CCDC88A: variants seen among roughly 807,000 people sequenced by gnomAD.
CCDC88A encodes the protein girdin.
In CCDC88A, 54 loss-of-function variants were observed where a neutral mutation model predicts 234.3. The observed-to-expected ratio is 0.23, with a 90% confidence interval of 0.19 to 0.29. CCDC88A has a LOEUF of 0.29. Ranked by LOEUF, CCDC88A falls within the 10% of genes least tolerant of loss-of-function variation. The pLI is 1.00. For missense variants in CCDC88A, 1,832 were observed against 2,123.4 expected (o/e 0.86, Z 2.70); for synonymous variants, 753 against 737.8 (o/e 1.02, Z -0.33).
intron 23 of CCDC88A, among the ~76,000 whole-genome samples, chr2:55,310,628 G>A (rs185490684): frequency 5.5e-4 from 83 of 152,156 alleles, no homozygotes; most frequent in African/African-American, 1.9e-3. Context: ...AGCTAATGGG[G>A]TAGTCTATTT....
chr2:55,347,626 T>TTTTTTTTTTTTTA (rs70954103), intron 9 of CCDC88A, among the ~76,000 whole-genome samples: 1 of 141,090 alleles, frequency 7.1e-6, no homozygotes, highest in African/African-American at 2.9e-5. Flanking sequence ...TTTTTTTTTT[T>TTTTTTTTTTTTTA]GAGACAGAGT....
chr2:55,375,280 G>A (rs112122209), intron 3 of CCDC88A, among the ~76,000 whole-genome samples: 2,347 of 151,576 alleles, frequency 0.015, 67 homozygotes, highest in African/African-American at 0.053. Flanking sequence ...AAGTCAAAAT[G>A]GTCTAATTAT....
intron 22 of CCDC88A, chr2:55,315,424 T>C (rs1682865552): frequency 6.6e-6 from 1 of 152,276 alleles, no homozygotes; most frequent in Admixed American, 6.5e-5. Flanking sequence ...TATGCCCTTG[T>C]TGGGTTCTAG....
At chr2:55,358,380 A>G (rs961911741) in intron 7 of CCDC88A, among the ~76,000 whole-genome samples, 3 of 152,074 alleles carry the variant, frequency 2.0e-5, no homozygotes, top group Non-Finnish European at 4.4e-5. Flanking sequence ...AGTTTTCTCT[A>G]TTTTTGCTCC....
At chr2:55,299,975 G>A in intron 28 of CCDC88A, 56 bp from the exon 29 acceptor site, 3 of 1,119,102 alleles carry the variant, frequency 2.7e-6, no homozygotes, top group Non-Finnish European at 4.1e-6. Flanking sequence ...TGATGCTGAT[G>A]AGCTTTTACA....
intron 2 of CCDC88A, among the ~76,000 whole-genome samples, chr2:55,414,973 A>G (rs575708690): frequency 1.3e-5 from 2 of 151,428 alleles, no homozygotes; most frequent in South Asian, 2.1e-4. Flanking sequence ...AGCCTGAGGC[A>G]GGAGAATGGC....
At chr2:55,402,494 T>C (rs1045994236) in intron 2 of CCDC88A, among the ~76,000 whole-genome samples, 7 of 152,198 alleles carry the variant, frequency 4.6e-5, no homozygotes, top group African/African-American at 1.4e-4. Flanking sequence ...GTAAGGGTTA[T>C]TTCTTAAAGG....
At chr2:55,313,093 CAG>C (rs1459136569) in intron 22 of CCDC88A, 1 of 152,322 alleles carries the variant, frequency 6.6e-6, no homozygotes, top group East Asian at 1.9e-4. Flanking sequence ...TTTTTTGAGA[CAG>C]AGTTTCACTC....
At position 55,344,448 on chromosome 2, in the gene CCDC88A, T is replaced by C; in HGVS notation, c.1108A>G (p.Thr370Ala). ...KTMLEDQLEG[T>A]RARSDKLHEL... ...TGTAATTTATCAGAACGAGCACGAG[T>C]TCCCTCTAGTTGGTCTTCCAACATG... Residue 370 changes from threonine (T) to alanine (A), a missense_variant, in exon 11 of 33, where the codon ACT becomes GCT. Thr to Ala is a moderately conservative substitution (Grantham distance 58). Around this residue, in one of 6 missense-constraint regions of CCDC88A, gnomAD observed 1,282 missense variants for 1,543.6 expected, o/e 0.83. Transcript: ENST00000436346. 1 of 1,588,692 alleles carries C rather than the reference T, an allele frequency of 6.3e-7. No individual in the cohort carries two copies. The highest frequency in any genetic ancestry group is 8.6e-7 in the Non-Finnish European group (1 of 1,163,020).
In CCDC88A at chr2:55,317,183, TATATATA is replaced by T. The variant is rs772204582; in HGVS notation, c.3746+16_3746+22del. On this transcript the variant is annotated intron_variant, in intron 21 of 32. Transcript: ENST00000436346. This position sits in a 1 kb window ranked among gnomAD's most constrained non-coding sequence, Gnocchi z 4.2. ...TATACTTTCTATATAAAATGTTTGT[TATATATA>T]ATATATATTTATTACCTATCATTTT... is the stretch of plus-strand genomic sequence containing the variant. The T allele has an allele frequency of 2.7e-5, 28 of 1,054,912 alleles. No individual in the cohort carries two copies. In the Middle Eastern group the frequency reaches 2.0e-3, roughly 76 times the overall value. The allele number at this position is 1,054,912 out of a possible 1,614,324, so 65.3% of individuals were successfully genotyped here. A position where few individuals can be genotyped will look rare whatever the true frequency, so the allele number is the denominator to read the frequency against.
rs1031558748 is a variant in CCDC88A at position 55,295,622 on chromosome 2, A to T, written c.5526T>A (p.Ala1842=). The change falls in exon 31 of 33, where the codon GCT becomes GCA. Residue 1842 remains alanine, a synonymous_variant. Transcript: ENST00000436346. ...PISVDSPPAA[A]DSNTTAASNV... is the part of the protein sequence containing the mutation. ...TAGATGCTGCAGTGGTGTTGCTGTC[A>T]GCAGCAGCTGGTGGTGAATCAACTG... 1 of 1,614,088 alleles carries T rather than the reference A, an allele frequency of 6.2e-7. No homozygotes were observed. The highest frequency in any genetic ancestry group is 1.3e-5 in the African/African-American group (1 of 74,934).
chr2:55,291,696 T>C lies in CCDC88A; in HGVS notation c.*15A>G, dbSNP rs777523988. 1 of 1,552,660 alleles carries C rather than the reference T, an allele frequency of 6.4e-7. No homozygotes were observed. Among genetic ancestry groups the C allele is most frequent in the East Asian group, 2.3e-5 (1 of 44,176 alleles). On this transcript the variant is annotated 3_prime_UTR_variant, in exon 32 of 33. Coordinates refer to ENST00000436346, the MANE Select transcript of CCDC88A (RefSeq NM_001365480.1). ...CTCACCACTTGGCCCACATGTCATG[T>C]AGTGGGTAATAGAATTAGGAGCTTT...
chr2:55,343,045 C>G (rs1422171343), intron 12 of CCDC88A, among the ~76,000 whole-genome samples: 1 of 152,070 alleles, frequency 6.6e-6, no homozygotes, highest in East Asian at 1.9e-4. Context: ...TCATGCCCAG[C>G]TTTAAGAAAG....
chr2:55,412,995 G>A (rs967831840), intron 2 of CCDC88A, among the ~76,000 whole-genome samples: 2 of 152,056 alleles, frequency 1.3e-5, no homozygotes, highest in African/African-American at 4.8e-5. Flanking sequence ...CTTGAACCCA[G>A]GAATTCAAGA....
chr2:55,365,490 G>A (rs1485108504), intron 5 of CCDC88A, among the ~76,000 whole-genome samples: 8 of 152,044 alleles, frequency 5.3e-5, no homozygotes. Flanking sequence ...TTCAACTGCC[G>A]TATCTTTCTC....
intron 8 of CCDC88A, among the ~76,000 whole-genome samples, chr2:55,354,926 A>G (rs1349687377): frequency 6.6e-6 from 1 of 150,392 alleles, no homozygotes; most frequent in Non-Finnish European, 1.5e-5. Context: ...TTTTTTGTTA[A>G]AAACCAAGAC....
At chr2:55,353,628 T>G (rs1307504282) in intron 8 of CCDC88A, among the ~76,000 whole-genome samples, 1 of 107,776 alleles carries the variant, frequency 9.3e-6, no homozygotes, top group Non-Finnish European at 1.8e-5. Flanking sequence ...ATTCTGAAGC[T>G]CAAATTCCAA....
Position 55,334,385 on chromosome 2 carries a change from C to A in CCDC88A, c.2436G>T (p.Gln812His). Residue 812 changes from glutamine to histidine, a missense_variant, in exon 15 of 33, where the codon CAG becomes CAT. Coordinates refer to ENST00000436346, the MANE Select transcript of CCDC88A (RefSeq NM_001365480.1). The surrounding 1 kb of genome is among the most constrained non-coding windows in gnomAD (Gnocchi z 6.1). ...CTAATGATTTATTTTCTTTTTCCAG[C>A]TGTTCTAGTCTTTTGCTAGATATTT... ...ELKISSKRLE[Q>H]LEKENKSLEQ... The A allele has an allele frequency of 6.4e-7, 1 of 1,568,016 alleles. No homozygotes were observed.
intron 2 of CCDC88A, among the ~76,000 whole-genome samples, chr2:55,390,503 T>C (rs1001640868): frequency 1.1e-4 from 16 of 152,208 alleles, no homozygotes; most frequent in Non-Finnish European, 2.2e-4. Flanking sequence ...GAGAAAATAA[T>C]GCAACCAAAC....
Sources: gnomAD v4.1 joint callset for allele counts (sites outside exome capture counted in the v4.1 genomes callset) on GRCh38, gnomAD v4.1.1 for gene constraint, gnomAD v4.1.1 regional missense constraint, Gnocchi (gnomAD v3.1) non-coding constraint, MANE v1.5 for transcripts, NCBI Gene and HGNC (gene_info 2026-07-23, HGNC 2026-07-21) for gene names.